IL23R: variants seen among roughly 807,000 people sequenced by gnomAD.
IL23R encodes interleukin-23 receptor.
A neutral mutation model predicts 56.9 loss-of-function variants in IL23R; 34 were observed. The ratio of observed to expected loss-of-function variants is 0.60; its 90% CI spans 0.45 to 0.80. The LOEUF is 0.80. Among genes scored for constraint, IL23R ranks in the 30% least tolerant of loss-of-function variants. The pLI is 0.00. For missense variants in IL23R, 635 were observed against 730.0 expected, an observed-to-expected ratio of 0.87 and a Z score of 1.50; for synonymous variants, 230 against 249.2, an observed-to-expected ratio of 0.92 and a Z score of 0.73.
At chr1:67,196,435 G>A (rs1215589033) in intron 4 of IL23R, among the ~76,000 whole-genome samples, 2 of 152,154 alleles carry the variant, frequency 1.3e-5, no homozygotes, top group African/African-American at 2.4e-5. Flanking sequence ...AGCTACTCAG[G>A]AGGCTGAGGT....
chr1:67,181,374 T>C (rs987558124), intron 3 of IL23R, among the ~76,000 whole-genome samples: 1 of 152,218 alleles, frequency 6.6e-6, no homozygotes, highest in East Asian at 1.9e-4. Flanking sequence ...TCACTTCATT[T>C]CATTCATTTG....
chr1:67,233,195 CAAAAAA>C (rs34125353), intron 7 of IL23R, among the ~76,000 whole-genome samples: 28 of 53,652 alleles, frequency 5.2e-4, no homozygotes, highest in Non-Finnish European at 6.8e-4. Flanking sequence ...CTAAAAATTC[CAAAAAA>C]AAAAAAAAAA....
At chr1:67,263,815 G>C (rs1653276345), downstream of IL23R, among the ~76,000 whole-genome samples, 1 of 150,124 alleles carries the variant, frequency 6.7e-6, no homozygotes, top group Admixed American at 6.7e-5. Context: ...AGTGAGCCAA[G>C]ATTGTGCCAC....
rs189218301 is a variant in IL23R at position 67,259,543 on chromosome 1, A to T, written c.*415A>T. 7.0e-4 allele frequency: 155 copies of T among 221,450 alleles called. No homozygotes were observed. Among genetic ancestry groups the T allele is most frequent in the African/African-American group, 3.2e-3 (138 of 42,880 alleles). The allele number at this position is 221,450 out of a possible 1,614,324, so 13.7% of individuals were successfully genotyped here. ...TGTGGACGCCTCATGTATTTTTTAT[A>T]GAGTCAACTATTTCCTCTTTATTTT... On this transcript the variant is annotated 3_prime_UTR_variant, in exon 11 of 11. Transcript: ENST00000347310.
Position 67,203,125 on chromosome 1 carries a change from G to T in IL23R, c.652+2228G>T, listed in dbSNP as rs139676383. Among the ~76,000 whole-genome samples the T allele has an allele frequency of 3.7e-3, 565 of 151,990 alleles. 3 individuals are homozygous for T. The highest frequency in any genetic ancestry group is 0.013 in the African/African-American group (536 of 41,410). On this transcript the variant is annotated intron_variant, in intron 5 of 10. Coordinates refer to ENST00000347310, the MANE Select transcript of IL23R (RefSeq NM_144701.3). Reference sequence around the variant, plus strand: ...GAACTAAATAATAATAATAATACTTGTATTATTATTACCATTCTGATCTTA... The same window carrying T: ...GAACTAAATAATAATAATAATACTTTTATTATTATTACCATTCTGATCTTA...
Position 67,143,636 on chromosome 1 carries a change from T to G in IL23R, c.-634+4475T>G, listed in dbSNP as rs550145491. Among the ~76,000 whole-genome samples the G allele has an allele frequency of 2.6e-5, 4 of 152,328 alleles. No homozygotes were observed. In the East Asian group the frequency reaches 7.7e-4, roughly 29 times the overall value. On this transcript the variant is annotated intron_variant, in intron 1 of 10. Transcript: ENST00000637002. ...GAATTGATGGTTGTTTCTGGGACAT[T>G]ATGTCTCTGGCACTTCCAGCCTTCC...
At chr1:67,216,411 A>G (rs1649836599) in intron 6 of IL23R, among the ~76,000 whole-genome samples, 1 of 152,198 alleles carries the variant, frequency 6.6e-6, no homozygotes, top group Non-Finnish European at 1.5e-5. Flanking sequence ...TATGTGTTCA[A>G]GTAAGTGGAT....
chr1:67,179,386 C>T (rs145140584), intron 3 of IL23R, among the ~76,000 whole-genome samples: 1,583 of 152,088 alleles, frequency 0.01, 28 homozygotes, highest in African/African-American at 0.035. Context: ...TTCTTCTAGA[C>T]TTTCTAGTTT....
At chr1:67,176,143 T>C (rs1463537960) in intron 3 of IL23R, among the ~76,000 whole-genome samples, 4 of 152,188 alleles carry the variant, frequency 2.6e-5, no homozygotes, top group Admixed American at 2.6e-4. Context: ...GGTGGAATTG[T>C]GGAGGCTGAA....
At position 67,258,544 on chromosome 1, in the gene IL23R, G is replaced by A; in HGVS notation, c.1306G>A (p.Glu436Lys). ...CCTATATGTTGATCCCATGATTACA[G>A]AGATAAAAGAAATCTTCATCCCAGA... ...QVLYVDPMIT[E>K]IKEIFIPEHK... is the part of the protein sequence containing the mutation. The change falls in exon 11 of 11, where the codon GAG becomes AAG. Residue 436 changes from glutamate (E) to lysine (K), a missense_variant. By Grantham distance (56) the Glu-to-Lys change is moderately conservative (BLOSUM62 1). Transcript: ENST00000347310. 3 of 1,607,818 alleles carry A rather than the reference G, an allele frequency of 1.9e-6. No individual in the cohort carries two copies. Among genetic ancestry groups the A allele is most frequent in the Non-Finnish European group, 2.5e-6 (3 of 1,176,918 alleles).
chr1:67,261,082 CT>C (rs34219944), downstream of IL23R, among the ~76,000 whole-genome samples: 2,207 of 144,124 alleles, frequency 0.015, 40 homozygotes, highest in African/African-American at 0.051. Flanking sequence ...TTTTGTTTTA[CT>C]TTTTTTTTTT....
intron 5 of IL23R, 133 bp from the exon 6 acceptor site, chr1:67,206,777 G>T: frequency 1.0e-6 from 1 of 992,880 alleles, no homozygotes; most frequent in Non-Finnish European, 1.5e-6. Context: ...GTCCATAATT[G>T]TTCATTAGAC....
At chr1:67,223,552 T>A (rs1650433955) in intron 7 of IL23R, among the ~76,000 whole-genome samples, 1 of 152,162 alleles carries the variant, frequency 6.6e-6, no homozygotes, top group South Asian at 2.1e-4. Flanking sequence ...TCTTTGAAAA[T>A]GTACCTTTTT....
chr1:67,216,894 C>T (rs1298048826), intron 6 of IL23R, among the ~76,000 whole-genome samples: 4 of 152,118 alleles, frequency 2.6e-5, no homozygotes, highest in Non-Finnish European at 4.4e-5. Flanking sequence ...TAAGTTTCCC[C>T]ATCACCACCC....
chr1:67,163,468 CAAAAAAAAAA>C (rs57495148), upstream of IL23R, among the ~76,000 whole-genome samples: 212 of 49,610 alleles, frequency 4.3e-3, 2 homozygotes, highest in African/African-American at 0.017. Flanking sequence ...GACCCTGTCT[CAAAAAAAAAA>C]AAAAAAAAAA....
intron 1 of IL23R, among the ~76,000 whole-genome samples, chr1:67,161,083 A>C (rs780531089): frequency 1.4e-4 from 21 of 152,188 alleles, no homozygotes; most frequent in Non-Finnish European, 2.8e-4. Context: ...GCATTTCTGA[A>C]ATGGCCTTTT....
At chr1:67,140,820 TG>T (rs1268588672) in intron 1 of IL23R, among the ~76,000 whole-genome samples, 3 of 152,198 alleles carry the variant, frequency 2.0e-5, no homozygotes, top group African/African-American at 7.2e-5. Context: ...ATTTATTATG[TG>T]TCAACAATTG....
chr1:67,170,614 A>G (rs1021251139), intron 3 of IL23R, among the ~76,000 whole-genome samples: 1 of 152,216 alleles, frequency 6.6e-6, no homozygotes, highest in African/African-American at 2.4e-5. Flanking sequence ...GTGTAAATCA[A>G]TAAGTTCAGC....
At chr1:67,143,952 T>C (rs1490835114) in intron 1 of IL23R, among the ~76,000 whole-genome samples, 3 of 152,234 alleles carry the variant, frequency 2.0e-5, no homozygotes, top group Non-Finnish European at 4.4e-5. Flanking sequence ...TATGTTCTCT[T>C]ACTTTTATAG....
Sources: gnomAD v4.1 joint callset for allele counts (sites outside exome capture counted in the v4.1 genomes callset) on GRCh38, gnomAD v4.1.1 for gene constraint, MANE v1.5 for transcripts, NCBI Gene and HGNC (gene_info 2026-07-23, HGNC 2026-07-21) for gene names.